Variants in SYNJ1 observed in about 807,000 individuals in gnomAD.
The protein encoded by SYNJ1 is polyphosphatidylinositol phosphatase SYNJ1.
Under a neutral mutation model 168.2 loss-of-function variants are expected in SYNJ1, and 78 were observed. That is an observed-to-expected ratio of 0.46 (90% CI 0.39 to 0.56). SYNJ1 has a LOEUF of 0.56. Among genes scored for constraint, SYNJ1 ranks in the 20% least tolerant of loss-of-function variants. The pLI, the probability that SYNJ1 is intolerant of heterozygous loss-of-function variation, is 0.00. For missense variants in SYNJ1, 1,303 were observed against 1,597.6 expected (o/e 0.82, Z 3.14); for synonymous variants, 539 against 548.6 (o/e 0.98, Z 0.24).
At chr21:32,681,961 C>T (rs982694688) in intron 10 of SYNJ1, among the ~76,000 whole-genome samples, 5 of 152,056 alleles carry the variant, frequency 3.3e-5, no homozygotes, top group South Asian at 4.1e-4. Context: ...CATCAATCAA[C>T]AGCCTGCATT....
intron 4 of SYNJ1, among the ~76,000 whole-genome samples, chr21:32,695,758 GTTC>G (rs551358679): frequency 4.6e-4 from 69 of 150,954 alleles, no homozygotes; most frequent in African/African-American, 1.5e-3. Flanking sequence ...TGTCTCCCAG[GTTC>G]AAGCGATTCT....
rs2041095762 is a variant in SYNJ1, at chr21:32,669,501, C to A, written c.1811+787G>T. ...AATGTGTTAAAATTTGGAAGTGCTA[C>A]ATAACTTAGGGAACCCAAGTGACCA... On this transcript the variant is annotated intron_variant, in intron 15 of 32. Coordinates refer to ENST00000674351, the MANE Select transcript of SYNJ1 (RefSeq NM_203446.3). 2.6e-5 allele frequency among the ~76,000 whole-genome samples: 4 copies of A among 152,138 alleles called. No homozygotes were observed. In the South Asian group the frequency reaches 8.3e-4, roughly 32 times the overall value.
intron 8 of SYNJ1, among the ~76,000 whole-genome samples, chr21:32,686,197 A>G (rs1349179629): frequency 2.6e-5 from 4 of 152,216 alleles, no homozygotes; most frequent in Non-Finnish European, 4.4e-5. Context: ...CATCTAAGAC[A>G]AAGCCTATCA....
At chr21:32,693,317 T>A (rs1379626173) in intron 6 of SYNJ1, among the ~76,000 whole-genome samples, 1 of 152,150 alleles carries the variant, frequency 6.6e-6, no homozygotes, top group Non-Finnish European at 1.5e-5. Context: ...ATTTACGTTA[T>A]CCCTACAAAG....
intron 32 of SYNJ1, among the ~76,000 whole-genome samples, chr21:32,633,004 C>T (rs1179666043): frequency 6.6e-6 from 1 of 152,008 alleles, no homozygotes; most frequent in Non-Finnish European, 1.5e-5. Context: ...TGGGCAAGAG[C>T]AAAACTCCGC....
chr21:32,635,631 G>A (rs1178290674), intron 31 of SYNJ1, among the ~76,000 whole-genome samples: 2 of 152,112 alleles, frequency 1.3e-5, no homozygotes, highest in Non-Finnish European at 2.9e-5. Context: ...GTCATTATTA[G>A]AGAAAATGGC....
chr21:32,673,574 C>A, intron 13 of SYNJ1, 43 bp from the exon 14 acceptor site: 1 of 1,494,452 alleles, frequency 6.7e-7, no homozygotes, highest in East Asian at 2.4e-5. Flanking sequence ...TGCATCAAAC[C>A]ATTTATAAAA....
intron 2 of SYNJ1, among the ~76,000 whole-genome samples, chr21:32,710,441 C>G (rs1428930265): frequency 1.3e-5 from 2 of 152,154 alleles, no homozygotes; most frequent in Non-Finnish European, 2.9e-5. Flanking sequence ...CCAGAAGCTA[C>G]TGGAATTCTA....
chr21:32,696,433 G>A (rs1044065508), intron 4 of SYNJ1, among the ~76,000 whole-genome samples: 4 of 152,132 alleles, frequency 2.6e-5, no homozygotes, highest in African/African-American at 9.7e-5. Context: ...GAACTTTGCT[G>A]GGTTGGCCTT....
In SYNJ1 at chr21:32,667,780, A is replaced by G. The variant is rs573124323; in HGVS notation, c.1812-1207T>C. ...ACTTCCAACACTTCCCTGTGTCCCTATAGTTGATCTCCTTTTCCTCTCTTT... is the reference window on the plus strand; with the variant it reads ...ACTTCCAACACTTCCCTGTGTCCCTGTAGTTGATCTCCTTTTCCTCTCTTT... On this transcript the variant is annotated intron_variant, in intron 15 of 32. Transcript: ENST00000674351. Among the ~76,000 whole-genome samples, 69 of 152,130 alleles carry G rather than the reference A, an allele frequency of 4.5e-4. 1 individual carries two copies. In the South Asian group the frequency reaches 5.8e-3, roughly 13 times the overall value.
intron 27 of SYNJ1, 140 bp downstream of exon 27, chr21:32,643,270 T>TTTTTTCC: frequency 5.1e-6 from 4 of 790,270 alleles, no homozygotes; most frequent in Non-Finnish European, 8.3e-6. Context: ...AAGGTATACA[T>TTTTTTCC]AAGGAGGGGA....
In SYNJ1 at chr21:32,639,076, C is replaced by G; in HGVS notation, c.3747G>C (p.Pro1249=). The part of the protein sequence containing the change: ...EPLKPQAAFP[P]QSSLPPPAQR... ...GAGCAGGCGGGGGCAAAGAAGACTGCGGAGGAAAAGCAGCCTGAGGCTTCA... is the reference window on the plus strand; with the variant it reads ...GAGCAGGCGGGGGCAAAGAAGACTGGGGAGGAAAAGCAGCCTGAGGCTTCA... Residue 1249 remains proline (P), a synonymous_variant, in exon 31 of 33, where the codon CCG becomes CCC. Coordinates refer to ENST00000674351, the MANE Select transcript of SYNJ1 (RefSeq NM_203446.3). 1 of 1,613,724 alleles carries G rather than the reference C, an allele frequency of 6.2e-7. No homozygotes were observed.
At chr21:32,683,058 G>T (rs2041683422) in intron 10 of SYNJ1, among the ~76,000 whole-genome samples, 1 of 152,024 alleles carries the variant, frequency 6.6e-6, no homozygotes, top group African/African-American at 2.4e-5. Flanking sequence ...TCATTTTTGA[G>T]ATAAAGAACC....
intron 13 of SYNJ1, among the ~76,000 whole-genome samples, chr21:32,673,732 T>C (rs183801858): frequency 7.7e-6 from 1 of 129,060 alleles, no homozygotes; most frequent in Admixed American, 7.8e-5. Context: ...AACACATCTT[T>C]AAAAAAAAAA....
chr21:32,659,827 T>C (rs1252613081), intron 18 of SYNJ1, among the ~76,000 whole-genome samples: 1 of 152,176 alleles, frequency 6.6e-6, no homozygotes, highest in Non-Finnish European at 1.5e-5. Flanking sequence ...TCCTGCTACA[T>C]TTCTTGGTTC....
intron 2 of SYNJ1, among the ~76,000 whole-genome samples, chr21:32,710,065 T>A (rs979706230): frequency 1.3e-5 from 2 of 151,934 alleles, no homozygotes; most frequent in Non-Finnish European, 2.9e-5. Flanking sequence ...TAGCCGGGCA[T>A]GGTTGCAGAC....
intron 7 of SYNJ1, 55 bp downstream of exon 7, chr21:32,688,251 A>T: frequency 6.6e-7 from 1 of 1,517,600 alleles, no homozygotes; most frequent in East Asian, 2.3e-5. Flanking sequence ...AAATACAAGC[A>T]GTCCCACTGC....
At chr21:32,710,688 T>C (rs1329180705) in intron 2 of SYNJ1, among the ~76,000 whole-genome samples, 1 of 152,126 alleles carries the variant, frequency 6.6e-6, no homozygotes, top group Non-Finnish European at 1.5e-5. Context: ...TTGCACCTGA[T>C]TGATTTGGAC....
At chr21:32,635,648 A>G (rs906261713) in intron 31 of SYNJ1, among the ~76,000 whole-genome samples, 2 of 152,186 alleles carry the variant, frequency 1.3e-5, no homozygotes, top group African/African-American at 4.8e-5. Context: ...TGGCAATGTA[A>G]TGGTACAAAA....
Sources: gnomAD v4.1 joint callset for allele counts (sites outside exome capture counted in the v4.1 genomes callset) on GRCh38, gnomAD v4.1.1 for gene constraint, MANE v1.5 for transcripts, NCBI Gene and HGNC (gene_info 2026-07-23, HGNC 2026-07-21) for gene names.